The following SLC6A13 variants were observed in gnomAD, a reference collection of about 807,000 sequenced individuals.
The protein encoded by SLC6A13 is solute carrier family 6 member 13.
Under a neutral mutation model 72.9 loss-of-function variants are expected in SLC6A13, and 69 were observed. That is an observed-to-expected ratio of 0.95 (90% confidence interval 0.78 to 1.16). The LOEUF is 1.16. Among genes scored for constraint, SLC6A13 ranks in the 50% most tolerant of loss-of-function variants. The pLI is 0.00. For missense variants in SLC6A13, 735 were observed against 760.5 expected (o/e 0.97, Z 0.39); for synonymous variants, 303 against 303.0 (o/e 1.00, Z 0.00).
At chr12:222,157 C>T (rs748794625) in intron 13 of SLC6A13, among the ~76,000 whole-genome samples, 2 of 152,192 alleles carry the variant, frequency 1.3e-5, no homozygotes, top group East Asian at 1.9e-4. Context: ...TGACTTAATA[C>T]GAGTTAAAGC....
intron 2 of SLC6A13, among the ~76,000 whole-genome samples, chr12:245,145 G>T (rs1942303390): frequency 6.6e-6 from 1 of 152,208 alleles, no homozygotes; most frequent in African/African-American, 2.4e-5. Context: ...AGAAAACTGA[G>T]GTGAGGGAAA....
chr12:259,376 CTATT>C (rs1452030044), intron 2 of SLC6A13: 2 of 1,027,182 alleles, frequency 1.9e-6, no homozygotes, highest in African/African-American at 3.4e-5. Context: ...AGCAGAGCTA[CTATT>C]TATTACTTAA....
chr12:259,624 T>G, intron 2 of SLC6A13: 1 of 1,425,758 alleles, frequency 7.0e-7, no homozygotes, highest in Non-Finnish European at 9.1e-7. Context: ...TTCCAGCTTG[T>G]GCTCATATTT....
At chr12:238,416 A>G (rs1942023410) in intron 4 of SLC6A13, 1 of 1,039,954 alleles carries the variant, frequency 9.6e-7, no homozygotes, top group Non-Finnish European at 1.3e-6. Flanking sequence ...TCTGGCTTGA[A>G]TGCTGACCCC....
At chr12:260,573 C>A (rs1251644990) in intron 1 of SLC6A13, among the ~76,000 whole-genome samples, 6 of 152,166 alleles carry the variant, frequency 3.9e-5, no homozygotes, top group Admixed American at 3.9e-4. Context: ...TTGTTCATAA[C>A]AGCGAAAAAT....
chr12:245,439 C>T (rs866487710), intron 2 of SLC6A13, among the ~76,000 whole-genome samples: 2 of 152,050 alleles, frequency 1.3e-5, no homozygotes, highest in South Asian at 2.1e-4. Flanking sequence ...CCCAGCACTT[C>T]GGGAGGCTGA....
At chr12:235,789 G>A (rs564935975) in intron 6 of SLC6A13, among the ~76,000 whole-genome samples, 126 of 152,098 alleles carry the variant, frequency 8.3e-4, no homozygotes, top group African/African-American at 1.6e-3. Flanking sequence ...GAGAGATGTC[G>A]CTAAATTCTT....
At chr12:242,821 C>A in intron 3 of SLC6A13, 67 bp from the exon 4 acceptor site, 1 of 1,462,414 alleles carries the variant, frequency 6.8e-7, no homozygotes, top group South Asian at 1.3e-5. Context: ...GTCATTTCAG[C>A]TATGCGGGAC....
At chr12:249,181 C>T (rs1397853442) in intron 2 of SLC6A13, among the ~76,000 whole-genome samples, 1 of 151,992 alleles carries the variant, frequency 6.6e-6, no homozygotes, top group Admixed American at 6.6e-5. Context: ...AATCAATTAC[C>T]TCGGCTTCCA....
intron 1 of SLC6A13, among the ~76,000 whole-genome samples, chr12:260,305 C>T (rs1247167338): frequency 6.6e-6 from 1 of 152,162 alleles, no homozygotes; most frequent in Non-Finnish European, 1.5e-5. Flanking sequence ...CCTTTGCTTC[C>T]ACTATAAGGC....
At position 224,079 on chromosome 12, in the gene SLC6A13, G is replaced by A. The variant is rs16928571; in HGVS notation, c.1224C>T (p.His408=). The A allele has an allele frequency of 4.2e-3, 6,787 of 1,614,112 alleles. 206 individuals are homozygous for A. In the African/African-American group the frequency reaches 0.067, roughly 16 times the overall value. The change falls in exon 11 of 15, where the codon CAC becomes CAT. Residue 408 remains histidine, a synonymous_variant. Coordinates refer to ENST00000343164, the MANE Select transcript of SLC6A13 (RefSeq NM_016615.5). The stretch of plus-strand genomic sequence containing the variant: ...CCCTCCGGTTCTTCTTGCGGAACAC[G>A]TGAGGGTACATGTCCACCAGCGCTG... The part of the protein sequence containing the change: ...LVTALVDMYP[H]VFRKKNRREV...
Position 237,154 on chromosome 12 carries a change from G to A in SLC6A13, c.696+4C>T, listed in dbSNP as rs77823892. The A allele has an allele frequency of 9.4e-3, 15,227 of 1,613,820 alleles. 342 individuals are homozygous for A. Among genetic ancestry groups the A allele is most frequent in the African/African-American group, 0.091 (6,821 of 74,976 alleles). On this transcript the variant is annotated splice_donor_region_variant and intron_variant, in intron 6 of 14. Transcript: ENST00000343164. ...TGGGAGGGGCAGGAGCTCCCCACACGAACCTTGCCTGTGGACTTCACCCCC... is the reference window on the plus strand; with the variant it reads ...TGGGAGGGGCAGGAGCTCCCCACACAAACCTTGCCTGTGGACTTCACCCCC...
At chr12:227,950 T>C (rs917391658) in intron 7 of SLC6A13, among the ~76,000 whole-genome samples, 2 of 151,946 alleles carry the variant, frequency 1.3e-5, no homozygotes, top group Non-Finnish European at 1.5e-5. Flanking sequence ...TGTAGGAGGG[T>C]GGGACAGGGC....
At position 221,479 on chromosome 12, in the gene SLC6A13, C is replaced by A. The variant is rs1941208925; in HGVS notation, c.1583G>T (p.Trp528Leu). 6.2e-7 allele frequency: 1 copy of A among 1,613,680 alleles called. No individual in the cohort carries two copies. The highest frequency in any genetic ancestry group is 8.5e-7 in the Non-Finnish European group (1 of 1,179,838). The change falls in exon 14 of 15, where the codon TGG becomes TTG. Residue 528 changes from tryptophan (W) to leucine (L), a missense_variant. Transcript: ENST00000343164. ...GAGCCAGCCCAGGGCATCGCCCCAC[C>A]ACGGGTACGTGTACTTCTTGTTGTA... ...LTYNKKYTYP[W>L]WGDALGWLLA...
In SLC6A13 at chr12:221,488, G is replaced by T. The variant is rs758341900; in HGVS notation, c.1574C>A (p.Thr525Lys). Residue 525 changes from threonine (T) to lysine (K), a missense_variant, in exon 14 of 15, where the codon ACG (threonine) becomes AAG (lysine). By Grantham distance (78) the Thr-to-Lys change is moderately conservative. Transcript: ENST00000343164. ...YTPLTYNKKY[T>K]YPWWGDALGW... ...CAGGGCATCGCCCCACCACGGGTAC[G>T]TGTACTTCTTGTTGTAGGTCAGCGG... The T allele has an allele frequency of 3.1e-6, 5 of 1,613,334 alleles. No homozygotes were observed. In the Admixed American group the frequency reaches 8.3e-5, roughly 27 times the overall value.
intron 7 of SLC6A13, 80 bp from the exon 8 acceptor site, chr12:227,748 C>T: frequency 8.2e-7 from 1 of 1,225,424 alleles, no homozygotes; most frequent in Non-Finnish European, 1.2e-6. Context: ...AGGCATGTGG[C>T]TGAGCCAGAC....
In SLC6A13 at chr12:225,636, C is replaced by G. The variant is rs373586870; in HGVS notation, c.1060+754G>C. Reference sequence around the variant, plus strand: ...CTGCACTCCAGCCTGAGTGACAGAGCAAGACTCTATCTCAAACAGTTTAAA... The same window carrying G: ...CTGCACTCCAGCCTGAGTGACAGAGGAAGACTCTATCTCAAACAGTTTAAA... On this transcript the variant is annotated intron_variant, in intron 9 of 14. Transcript: ENST00000343164. Among the ~76,000 whole-genome samples, 9 of 145,674 alleles carry G rather than the reference C, an allele frequency of 6.2e-5. No individual in the cohort carries two copies. In the East Asian group the frequency reaches 1.4e-3, roughly 23 times the overall value.
chr12:231,071 C>T (rs1941688718), intron 7 of SLC6A13, among the ~76,000 whole-genome samples: 1 of 152,228 alleles, frequency 6.6e-6, no homozygotes, highest in African/African-American at 2.4e-5. Flanking sequence ...CTCCTCCCAT[C>T]CCCCGCCCTC....
intron 2 of SLC6A13, among the ~76,000 whole-genome samples, chr12:250,274 T>C (rs1050677581): frequency 1.3e-5 from 2 of 152,182 alleles, no homozygotes; most frequent in Non-Finnish European, 2.9e-5. Context: ...CTGGGGATTC[T>C]AGCCATAGAA....
Sources: gnomAD v4.1 joint callset for allele counts (sites outside exome capture counted in the v4.1 genomes callset) on GRCh38, gnomAD v4.1.1 for gene constraint, MANE v1.5 for transcripts, NCBI Gene and HGNC (gene_info 2026-07-23, HGNC 2026-07-21) for gene names.